The following BNC2 variants were observed in gnomAD, a reference collection of about 807,000 sequenced individuals.
BNC2 encodes basonuclin zinc finger protein 2, also known as zinc finger protein basonuclin-2.
A neutral mutation model predicts 76.3 loss-of-function variants in BNC2; 20 were observed. That is an observed-to-expected ratio of 0.26 (90% CI 0.18 to 0.38). BNC2 has a LOEUF of 0.38. BNC2 is among the 10% of genes least tolerant of loss of function. The pLI is 1.00. For missense variants in BNC2, 1,382 were observed against 1,399.8 expected, an observed-to-expected ratio of 0.99 and a Z score of 0.20; for synonymous variants, 582 against 514.8, an observed-to-expected ratio of 1.13 and a Z score of -1.77.
intron 3 of BNC2, among the ~76,000 whole-genome samples, chr9:16,684,444 C>A (rs1822916806): frequency 6.6e-6 from 1 of 152,014 alleles, no homozygotes. Context: ...CTTCCCTGGG[C>A]CAAGAGCAGG....
intron 1 of BNC2, among the ~76,000 whole-genome samples, chr9:16,783,882 T>C (rs1455545964): frequency 6.6e-6 from 1 of 152,204 alleles, no homozygotes; most frequent in Non-Finnish European, 1.5e-5. Flanking sequence ...ATTTTCCAAA[T>C]GTAAGTTTTA....
At chr9:16,660,459 A>C (rs1029945247) in intron 3 of BNC2, among the ~76,000 whole-genome samples, 1 of 152,090 alleles carries the variant, frequency 6.6e-6, no homozygotes, top group Non-Finnish European at 1.5e-5. Flanking sequence ...CATCTCAAAA[A>C]AAAAAAAAAA....
At chr9:16,556,754 G>C (rs899986924) in intron 4 of BNC2, among the ~76,000 whole-genome samples, 2 of 143,836 alleles carry the variant, frequency 1.4e-5, no homozygotes, top group Admixed American at 1.4e-4. Context: ...GCGACAGAGC[G>C]AGACTCTAAC....
intron 1 of BNC2, among the ~76,000 whole-genome samples, chr9:16,750,448 C>T (rs12002741): frequency 0.05 from 7,680 of 152,270 alleles, 647 homozygotes; most frequent in African/African-American, 0.18. Flanking sequence ...ATTCCCCTTA[C>T]AGAACCTACT....
intron 5 of BNC2, among the ~76,000 whole-genome samples, chr9:16,539,055 G>T (rs1818220708): frequency 6.6e-6 from 1 of 151,826 alleles, no homozygotes; most frequent in Admixed American, 6.6e-5. Flanking sequence ...GTGTGTGTGT[G>T]TTTACCACTT....
intron 3 of BNC2, among the ~76,000 whole-genome samples, chr9:16,599,605 G>A (rs781255000): frequency 6.6e-6 from 1 of 152,120 alleles, no homozygotes; most frequent in Non-Finnish European, 1.5e-5. Context: ...CCAACACGGT[G>A]AAACCCCATC....
At chr9:16,554,087 G>C (rs1298588199) in intron 4 of BNC2, among the ~76,000 whole-genome samples, 1 of 152,170 alleles carries the variant, frequency 6.6e-6, no homozygotes, top group Non-Finnish European at 1.5e-5. Context: ...CCTAAGTTAT[G>C]AACCTAAGGT....
intron 3 of BNC2, among the ~76,000 whole-genome samples, chr9:16,708,001 G>A (rs1039213444): frequency 6.6e-6 from 1 of 152,096 alleles, no homozygotes; most frequent in Non-Finnish European, 1.5e-5. Flanking sequence ...CACATATTAG[G>A]AAATCAGAGC....
intron 1 of BNC2, among the ~76,000 whole-genome samples, chr9:16,845,782 C>A (rs1402034568): frequency 1.3e-5 from 2 of 152,082 alleles, no homozygotes; most frequent in Admixed American, 6.6e-5. Context: ...CGTTCCAGAA[C>A]ACAAAATGTT....
intron 5 of BNC2, among the ~76,000 whole-genome samples, chr9:16,536,565 G>GA (rs562451351): frequency 2.6e-5 from 4 of 151,584 alleles, no homozygotes; most frequent in Non-Finnish European, 4.4e-5. Context: ...TTGACATGGA[G>GA]AAAAAAAATT....
intron 1 of BNC2, among the ~76,000 whole-genome samples, chr9:16,793,861 T>TG (rs1817578858): frequency 2.8e-5 from 1 of 35,680 alleles, no homozygotes; most frequent in Non-Finnish European, 2.5e-4. Flanking sequence ...GTGGTTTTTG[T>TG]TTTTTTGTTT....
chr9:16,790,169 T>C (rs1817465085), intron 1 of BNC2, among the ~76,000 whole-genome samples: 1 of 152,174 alleles, frequency 6.6e-6, no homozygotes, highest in Admixed American at 6.5e-5. Context: ...GCTAATTTTT[T>C]TTTATTTTTA....
intron 1 of BNC2, among the ~76,000 whole-genome samples, chr9:16,778,649 C>T (rs1238828551): frequency 6.6e-6 from 1 of 152,134 alleles, no homozygotes; most frequent in Non-Finnish European, 1.5e-5. Context: ...CACATTGGAC[C>T]GCAGAGCCTA....
chr9:16,638,332 CAAAT>C (rs1401894245), intron 3 of BNC2, among the ~76,000 whole-genome samples: 2 of 152,104 alleles, frequency 1.3e-5, no homozygotes, highest in Non-Finnish European at 2.9e-5. Flanking sequence ...TAAATCAACT[CAAAT>C]GAAATTCATC....
chr9:16,640,512 A>G (rs1821461576), intron 3 of BNC2, among the ~76,000 whole-genome samples: 1 of 152,226 alleles, frequency 6.6e-6, no homozygotes, highest in South Asian at 2.1e-4. Context: ...GTTTCCAAAG[A>G]AAGCAGAGAG....
intron 1 of BNC2, among the ~76,000 whole-genome samples, chr9:16,820,291 T>C (rs991498131): frequency 1.3e-5 from 2 of 151,766 alleles, no homozygotes; most frequent in African/African-American, 4.8e-5. Flanking sequence ...CTGGGCGTGG[T>C]GGCAGGTGCC....
intron 1 of BNC2, among the ~76,000 whole-genome samples, chr9:16,816,831 T>C (rs1043073179): frequency 6.6e-6 from 1 of 152,158 alleles, no homozygotes; most frequent in Non-Finnish European, 1.5e-5. Flanking sequence ...TCTTATCCTA[T>C]AATTCAATCT....
intron 5 of BNC2, among the ~76,000 whole-genome samples, chr9:16,499,101 G>T (rs546201382): frequency 6.6e-6 from 1 of 152,156 alleles, no homozygotes; most frequent in Non-Finnish European, 1.5e-5. Context: ...AAATATGGAC[G>T]CTAATGATTA....
intron 1 of BNC2, among the ~76,000 whole-genome samples, chr9:16,803,541 G>C (rs1266485052): frequency 1.3e-5 from 2 of 152,196 alleles, no homozygotes; most frequent in Non-Finnish European, 2.9e-5. Context: ...CGGTAATGGG[G>C]AATTTGCAAT....
Sources: allele counts gnomAD v4.1 joint callset (sites outside exome capture counted in the v4.1 genomes callset), GRCh38; gene constraint gnomAD v4.1.1; transcripts MANE v1.5; gene names NCBI Gene and HGNC (gene_info 2026-07-23, HGNC 2026-07-21).